Variants in FOXP2 observed in about 807,000 individuals in gnomAD.
The protein encoded by FOXP2 is forkhead box protein P2.
A neutral mutation model predicts 115.8 loss-of-function variants in FOXP2; 12 were observed. The observed-to-expected ratio is 0.10, with a 90% confidence interval of 0.07 to 0.17. The LOEUF is 0.17. FOXP2 is among the 10% of genes least tolerant of loss of function. The probability of loss-of-function intolerance (pLI) is 1.00; values close to 1 mark genes in which losing one functional copy is unlikely to be tolerated. For synonymous variants in FOXP2, 328 were observed against 297.7 expected (o/e 1.10, Z -1.05); for missense variants, 629 against 843.5 (o/e 0.75, Z 3.15).
intron 2 of FOXP2, among the ~76,000 whole-genome samples, chr7:114,518,587 C>G (rs1057183679): frequency 1.5e-4 from 23 of 152,160 alleles, no homozygotes; most frequent in African/African-American, 5.5e-4. Context: ...ACTTTAACCT[C>G]TACCTCCCAG....
In FOXP2 at chr7:114,479,019, G is replaced by A. The variant is rs552316070; in HGVS notation, c.168+52340G>A. Among the ~76,000 whole-genome samples, 507 of 151,416 alleles carry A rather than the reference G, an allele frequency of 3.3e-3. 4 individuals carry two copies. Among genetic ancestry groups the A allele is most frequent in the South Asian group, 0.014 (66 of 4,812 alleles). Reference sequence around the variant, plus strand: ...TTAAAATCCTTTTTAAACATATTCTGCTGTTTTCTGTGCTATGGTGACCAA... The same window carrying A: ...TTAAAATCCTTTTTAAACATATTCTACTGTTTTCTGTGCTATGGTGACCAA... On this transcript the variant is annotated intron_variant, in intron 2 of 16. Transcript: ENST00000350908.
intron 6 of FOXP2, among the ~76,000 whole-genome samples, chr7:114,638,659 A>T (rs953702180): frequency 1.3e-5 from 2 of 152,180 alleles, no homozygotes; most frequent in Non-Finnish European, 2.9e-5. Flanking sequence ...TTATCTGTGC[A>T]TTGGAATCAC....
intron 2 of FOXP2, among the ~76,000 whole-genome samples, chr7:114,387,882 A>C (rs913630912): frequency 4.7e-4 from 71 of 152,182 alleles, no homozygotes; most frequent in Non-Finnish European, 7.4e-5. Flanking sequence ...TTAGAGCCCT[A>C]TCAGAACAAT....
At chr7:114,264,761 G>A (rs1186123532) in intron 1 of FOXP2, among the ~76,000 whole-genome samples, 1 of 152,244 alleles carries the variant, frequency 6.6e-6, no homozygotes, top group Non-Finnish European at 1.5e-5. Context: ...CTCAGCTTCT[G>A]GGGAGGCCTC....
intron 2 of FOXP2, among the ~76,000 whole-genome samples, chr7:114,346,959 C>T (rs1300921078): frequency 6.6e-6 from 1 of 151,730 alleles, no homozygotes; most frequent in African/African-American, 2.4e-5. Flanking sequence ...CAGTATACAA[C>T]ACAGATATGT....
upstream of FOXP2, chr7:114,086,467 C>T: frequency 2.9e-6 from 1 of 341,652 alleles, no homozygotes; most frequent in Non-Finnish European, 5.7e-6. Context: ...GCTGCGGCTT[C>T]CTCGGCCCCC....
chr7:114,512,728 T>C (rs1299514406), intron 2 of FOXP2, among the ~76,000 whole-genome samples: 3 of 152,152 alleles, frequency 2.0e-5, no homozygotes, highest in Non-Finnish European at 4.4e-5. Context: ...ACTTTAAAAA[T>C]TAGTAGTATA....
intron 1 of FOXP2, among the ~76,000 whole-genome samples, chr7:114,183,274 C>T (rs1232218002): frequency 6.6e-6 from 1 of 152,038 alleles, no homozygotes; most frequent in Non-Finnish European, 1.5e-5. Context: ...CTTTTGCTGC[C>T]TCTTGTTCTT....
At chr7:114,610,219 G>A (rs1803555514) in intron 3 of FOXP2, among the ~76,000 whole-genome samples, 1 of 152,198 alleles carries the variant, frequency 6.6e-6, no homozygotes, top group Non-Finnish European at 1.5e-5. Context: ...GTTGTTGGGA[G>A]ACTTAGATTA....
intron 1 of FOXP2, among the ~76,000 whole-genome samples, chr7:114,278,025 T>TAA (rs1198719493): frequency 9.6e-4 from 73 of 76,166 alleles, no homozygotes; most frequent in East Asian, 1.6e-3. Flanking sequence ...AGACCTTGTC[T>TAA]AAAAAAAAAA....
chr7:114,458,741 T>C (rs1195713353), intron 2 of FOXP2, among the ~76,000 whole-genome samples: 1 of 152,058 alleles, frequency 6.6e-6, no homozygotes, highest in Non-Finnish European at 1.5e-5. Context: ...CTGTTATTTT[T>C]CCACATTGCT....
At chr7:114,526,824 C>A (rs866984528) in intron 2 of FOXP2, among the ~76,000 whole-genome samples, 1 of 152,042 alleles carries the variant, frequency 6.6e-6, no homozygotes, top group Non-Finnish European at 1.5e-5. Context: ...AAAACCTACC[C>A]TTTTAATGTA....
intron 3 of FOXP2, among the ~76,000 whole-genome samples, chr7:114,573,937 C>T (rs1801444455): frequency 2.0e-5 from 3 of 151,646 alleles, no homozygotes; most frequent in Non-Finnish European, 4.4e-5. Context: ...ATAATTGTAT[C>T]AATTTACTAG....
chr7:114,086,653 AC>A, upstream of FOXP2: 1 of 358,084 alleles, frequency 2.8e-6, no homozygotes, highest in Admixed American at 3.3e-5. Flanking sequence ...ACACCTCCGC[AC>A]CCCACCCTGT....
intron 2 of FOXP2, among the ~76,000 whole-genome samples, chr7:114,303,785 T>C (rs1014514088): frequency 4.6e-5 from 7 of 152,160 alleles, no homozygotes; most frequent in African/African-American, 1.7e-4. Flanking sequence ...TTGTGACTCA[T>C]TGTGATGAAT....
chr7:114,284,941 A>G (rs1796429044), intron 1 of FOXP2, among the ~76,000 whole-genome samples: 1 of 152,188 alleles, frequency 6.6e-6, no homozygotes, highest in Admixed American at 6.6e-5. Flanking sequence ...AAAAGCAAAT[A>G]CTGCATACTT....
At chr7:114,340,745 C>T (rs1174833601) in intron 2 of FOXP2, among the ~76,000 whole-genome samples, 2 of 150,868 alleles carry the variant, frequency 1.3e-5, no homozygotes, top group Non-Finnish European at 3.0e-5. Flanking sequence ...AATATTACTC[C>T]CTGTGATTGC....
At chr7:114,274,920 G>T (rs937267857) in intron 1 of FOXP2, among the ~76,000 whole-genome samples, 2 of 151,986 alleles carry the variant, frequency 1.3e-5, no homozygotes, top group African/African-American at 2.4e-5. Flanking sequence ...CTCACAAAGT[G>T]ATGGGATTGC....
intron 2 of FOXP2, among the ~76,000 whole-genome samples, chr7:114,534,200 T>A (rs1041978019): frequency 1.3e-5 from 2 of 151,846 alleles, no homozygotes; most frequent in African/African-American, 4.8e-5. Flanking sequence ...TTTGTCAAAT[T>A]TAATTACAGC....
Sources: gnomAD v4.1 joint callset for allele counts (sites outside exome capture counted in the v4.1 genomes callset) on GRCh38, gnomAD v4.1.1 for gene constraint, MANE v1.5 for transcripts, NCBI Gene and HGNC (gene_info 2026-07-23, HGNC 2026-07-21) for gene names.